The following KDM4C variants were observed in gnomAD, a reference collection of about 807,000 sequenced individuals.
KDM4C encodes the protein lysine demethylase 4C, also known as lysine-specific demethylase 4C.
KDM4C carries 81 observed loss-of-function variants against 129.3 expected under a neutral mutation model. That is an observed-to-expected ratio of 0.63 (90% CI 0.52 to 0.75). The LOEUF is 0.75. Ranked by LOEUF, KDM4C falls within the 30% of genes least tolerant of loss-of-function variation. The pLI is 0.00. For synonymous variants in KDM4C, 573 were observed against 456.1 expected, an observed-to-expected ratio of 1.26 and a Z score of -3.26; for missense variants, 1,457 against 1,304.0, an observed-to-expected ratio of 1.12 and a Z score of -1.81.
At chr9:6,991,260 T>A (rs1262534013) in intron 12 of KDM4C, among the ~76,000 whole-genome samples, 7 of 151,814 alleles carry the variant, frequency 4.6e-5, no homozygotes, top group Admixed American at 3.9e-4. Flanking sequence ...AAAAAAAAAT[T>A]TTTTTTTGTA....
chr9:7,005,303 C>T (rs927669591), intron 12 of KDM4C, among the ~76,000 whole-genome samples: 7 of 151,830 alleles, frequency 4.6e-5, no homozygotes, highest in South Asian at 4.2e-4. Flanking sequence ...GGCGTGGTGG[C>T]GCATGCCTGT....
chr9:7,076,431 C>T, intron 17 of KDM4C: 2 of 1,545,774 alleles, frequency 1.3e-6, no homozygotes, highest in Admixed American at 2.0e-5. Context: ...TTGTGTTTTT[C>T]AGGGAAGGCT....
At chr9:6,821,219 C>T (rs1008761072) in intron 4 of KDM4C, among the ~76,000 whole-genome samples, 14 of 152,216 alleles carry the variant, frequency 9.2e-5, no homozygotes, top group Admixed American at 9.2e-4. Flanking sequence ...GATTTATAAT[C>T]CTTTGGGTAT....
chr9:6,733,371 TAC>T (rs1817413424), intron 1 of KDM4C, among the ~76,000 whole-genome samples: 1 of 152,218 alleles, frequency 6.6e-6, no homozygotes, highest in African/African-American at 2.4e-5. Flanking sequence ...TTGTTTCTGT[TAC>T]AGAGACTGTT....
intron 12 of KDM4C, among the ~76,000 whole-genome samples, chr9:7,008,509 G>A (rs571901926): frequency 1.3e-5 from 2 of 152,204 alleles, no homozygotes; most frequent in African/African-American, 2.4e-5. Context: ...AGGATGTAGA[G>A]CAGCACTTGT....
chr9:6,789,157 G>T (rs1226678800), intron 1 of KDM4C, among the ~76,000 whole-genome samples: 3 of 150,774 alleles, frequency 2.0e-5, no homozygotes, highest in Non-Finnish European at 1.5e-5. Flanking sequence ...TGGTAAAGCA[G>T]TCCTCCCGTC....
intron 17 of KDM4C, among the ~76,000 whole-genome samples, chr9:7,064,929 G>C (rs1016910663): frequency 1.3e-5 from 2 of 152,162 alleles, no homozygotes; most frequent in Admixed American, 6.5e-5. Flanking sequence ...CAAGTGAGAC[G>C]ACGTAAGTTC....
upstream of KDM4C, among the ~76,000 whole-genome samples, chr9:6,752,928 G>A (rs1399618690): frequency 1.3e-5 from 2 of 152,150 alleles, no homozygotes; most frequent in African/African-American, 4.8e-5. Context: ...GATGTCCTGT[G>A]ATATTCCAGG....
intron 19 of KDM4C, among the ~76,000 whole-genome samples, chr9:7,130,976 C>T (rs1840570543): frequency 6.6e-6 from 1 of 151,246 alleles, no homozygotes; most frequent in Admixed American, 6.6e-5. Flanking sequence ...ACTGCGTTGC[C>T]CGGGCTGGTC....
intron 12 of KDM4C, among the ~76,000 whole-genome samples, chr9:7,010,053 C>G (rs1284897734): frequency 6.6e-6 from 1 of 152,126 alleles, no homozygotes; most frequent in Non-Finnish European, 1.5e-5. Context: ...AACATATGCA[C>G]ACAAACATGG....
intron 4 of KDM4C, among the ~76,000 whole-genome samples, chr9:6,829,670 G>C (rs771451544): frequency 3.3e-5 from 5 of 152,176 alleles, no homozygotes; most frequent in Non-Finnish European, 7.4e-5. Context: ...CACCAGGAAG[G>C]ATGGTTAGAG....
chr9:6,832,492 C>A (rs1454744163), intron 4 of KDM4C, among the ~76,000 whole-genome samples: 2 of 134,456 alleles, frequency 1.5e-5, no homozygotes, highest in African/African-American at 2.8e-5. Flanking sequence ...GTGGTGCAAT[C>A]TCAGCTCACT....
At chr9:6,902,784 T>TATTAG (rs1817627338) in intron 8 of KDM4C, 1 of 152,294 alleles carries the variant, frequency 6.6e-6, no homozygotes, top group African/African-American at 2.4e-5. Flanking sequence ...GGCAGATGGA[T>TATTAG]ATTAGATAGT....
At chr9:6,788,612 C>T (rs527906391) in intron 1 of KDM4C, among the ~76,000 whole-genome samples, 1 of 152,234 alleles carries the variant, frequency 6.6e-6, no homozygotes, top group Non-Finnish European at 1.5e-5. Flanking sequence ...CTTACTCCTT[C>T]ATTCAGCTGG....
intron 19 of KDM4C, among the ~76,000 whole-genome samples, chr9:7,157,433 C>G (rs1046462005): frequency 3.9e-5 from 6 of 152,008 alleles, no homozygotes; most frequent in African/African-American, 1.4e-4. Context: ...TCTTGTGCCG[C>G]TTTTTAAAGG....
intron 8 of KDM4C, among the ~76,000 whole-genome samples, chr9:6,915,990 G>A (rs1401772595): frequency 6.6e-6 from 1 of 152,126 alleles, no homozygotes; most frequent in Non-Finnish European, 1.5e-5. Context: ...AGGATGGGGG[G>A]AATTTAATTC....
intron 12 of KDM4C, among the ~76,000 whole-genome samples, chr9:6,995,875 GTT>G (rs1819618252): frequency 6.9e-6 from 1 of 143,960 alleles, no homozygotes; most frequent in African/African-American, 2.5e-5. Flanking sequence ...GTTTCACTGT[GTT>G]AGCCAGGATG....
At chr9:7,006,730 C>T (rs1284139079) in intron 12 of KDM4C, among the ~76,000 whole-genome samples, 1 of 152,094 alleles carries the variant, frequency 6.6e-6, no homozygotes, top group Admixed American at 6.5e-5. Flanking sequence ...TTTTTAGGCC[C>T]TGCTTGCATA....
chr9:6,780,900 A>G (rs1417249614), intron 1 of KDM4C, among the ~76,000 whole-genome samples: 2 of 151,634 alleles, frequency 1.3e-5, no homozygotes, highest in East Asian at 3.9e-4. Context: ...TCATGATTTC[A>G]TTATGCCTAT....
Sources: allele counts gnomAD v4.1 joint callset (sites outside exome capture counted in the v4.1 genomes callset), GRCh38; gene constraint gnomAD v4.1.1; transcripts MANE v1.5; gene names NCBI Gene and HGNC (gene_info 2026-07-23, HGNC 2026-07-21).